The following ADAMTS16 variants were observed in gnomAD, a reference collection of about 807,000 sequenced individuals.
ADAMTS16 encodes A disintegrin and metalloproteinase with thrombospondin motifs 16.
Under a neutral mutation model 145.8 loss-of-function variants are expected in ADAMTS16, and 94 were observed. The ratio of observed to expected loss-of-function variants is 0.64; its 90% CI spans 0.55 to 0.77. ADAMTS16 has a LOEUF of 0.77. Among genes scored for constraint, ADAMTS16 ranks in the 30% least tolerant of loss-of-function variants. The probability of loss-of-function intolerance (pLI) is 0.00; values close to 1 mark genes in which losing one functional copy is unlikely to be tolerated. For missense variants in ADAMTS16, 1,585 were observed against 1,591.5 expected, an observed-to-expected ratio of 1.00 and a Z score of 0.07; for synonymous variants, 659 against 604.3, an observed-to-expected ratio of 1.09 and a Z score of -1.33.
chr5:5,245,687 A>T (rs2126398995), intron 17 of ADAMTS16, among the ~76,000 whole-genome samples: 1 of 152,300 alleles, frequency 6.6e-6, no homozygotes, highest in Non-Finnish European at 1.5e-5. Flanking sequence ...CAGAAACATT[A>T]CTTTGCATCA....
intron 21 of ADAMTS16, among the ~76,000 whole-genome samples, chr5:5,313,734 G>A (rs990740469): frequency 6.6e-6 from 1 of 152,260 alleles, no homozygotes; most frequent in Admixed American, 6.5e-5. Context: ...GACTGCATGA[G>A]ACTGCATTCT....
intron 2 of ADAMTS16, among the ~76,000 whole-genome samples, chr5:5,141,031 T>G (rs270204): frequency 0.47 from 70,696 of 151,958 alleles, 17,092 homozygotes; most frequent in East Asian, 0.75. Context: ...GTTCATTTTA[T>G]TTTATTCTAA....
chr5:5,188,670 C>A (rs914171789), intron 6 of ADAMTS16, among the ~76,000 whole-genome samples: 8 of 152,066 alleles, frequency 5.3e-5, no homozygotes, highest in African/African-American at 1.9e-4. Flanking sequence ...TTAGATGAAA[C>A]CCGAGATCAT....
In ADAMTS16 at chr5:5,235,155, C is replaced by T; in HGVS notation, c.1992C>T (p.His664=). 6.3e-7 allele frequency: 1 copy of T among 1,585,532 alleles called. No homozygotes were observed. The highest frequency in any genetic ancestry group is 8.6e-7 in the Non-Finnish European group (1 of 1,157,422). The change falls in exon 13 of 23, where the codon CAC becomes CAT. Residue 664 remains histidine, a synonymous_variant. Coordinates refer to ENST00000274181, the MANE Select transcript of ADAMTS16 (RefSeq NM_139056.4). ...EHNSRRFRGR[H]YKWKPYTQVE... ...ACAGCAGACGATTCAGAGGGCGGCACTACAAGTGGAAGCCTTACACTCAAG... is the reference window on the plus strand; with the variant it reads ...ACAGCAGACGATTCAGAGGGCGGCATTACAAGTGGAAGCCTTACACTCAAG...
In ADAMTS16 at chr5:5,223,191, A is replaced by G. The variant is rs117323802; in HGVS notation, c.1701+307A>G. 262 of 370,114 alleles carry G rather than the reference A, an allele frequency of 7.1e-4. 2 individuals carry two copies. The East Asian group carries it at 0.013, about 19-fold the overall frequency. 22.9% of individuals were successfully genotyped at this position (370,114 alleles called of 1,614,324 possible). A position where few individuals can be genotyped will look rare whatever the true frequency, so the allele number is the denominator to read the frequency against. On this transcript the variant is annotated intron_variant, in intron 11 of 22. Transcript: ENST00000274181. ...AGCCATTGACCACCATTTATCATGG[A>G]AAGGACCAGCATTAAACAGTGCTGT...
At chr5:5,295,780 C>G (rs937027773) in intron 18 of ADAMTS16, among the ~76,000 whole-genome samples, 13 of 152,204 alleles carry the variant, frequency 8.5e-5, no homozygotes, top group Non-Finnish European at 1.5e-5. Flanking sequence ...TACTCTAGTG[C>G]TCTGCCCTCC....
At chr5:5,140,843 G>T in intron 2 of ADAMTS16, 77 bp downstream of exon 2, 4 of 1,397,250 alleles carry the variant, frequency 2.9e-6, no homozygotes, top group Non-Finnish European at 3.8e-6. Context: ...TTTATTAGGT[G>T]CTGTGAATGT....
intron 11 of ADAMTS16, chr5:5,223,155 G>T: frequency 4.4e-6 from 2 of 451,752 alleles, no homozygotes; most frequent in East Asian, 3.8e-5. Context: ...GTCTATTGAG[G>T]GGAAACATTA....
At chr5:5,248,783 C>T (rs1203180089) in intron 17 of ADAMTS16, among the ~76,000 whole-genome samples, 2 of 152,164 alleles carry the variant, frequency 1.3e-5, no homozygotes, top group Non-Finnish European at 2.9e-5. Flanking sequence ...GCCTCAATAC[C>T]AGTGGACATA....
chr5:5,149,447 C>T (rs2560411), intron 3 of ADAMTS16, among the ~76,000 whole-genome samples: 151,788 of 152,332 alleles, frequency 1, 75,644 homozygotes, highest in Middle Eastern at 1. Flanking sequence ...TAATGACTTA[C>T]TGAATGTTAT....
At chr5:5,177,356 C>T (rs1735226142) in intron 3 of ADAMTS16, among the ~76,000 whole-genome samples, 1 of 152,170 alleles carries the variant, frequency 6.6e-6, no homozygotes, top group Non-Finnish European at 1.5e-5. Flanking sequence ...GCCTGGACTT[C>T]TTTGGGTTTA....
At chr5:5,251,887 C>T (rs1333771394) in intron 17 of ADAMTS16, among the ~76,000 whole-genome samples, 2 of 152,074 alleles carry the variant, frequency 1.3e-5, no homozygotes, top group Admixed American at 6.5e-5. Flanking sequence ...GACAGAGTCT[C>T]ACTCTGTCAC....
At chr5:5,183,335 G>A (rs1004261748) in intron 4 of ADAMTS16, among the ~76,000 whole-genome samples, 13 of 152,228 alleles carry the variant, frequency 8.5e-5, no homozygotes, top group Non-Finnish European at 1.8e-4. Flanking sequence ...TGAAAAGGGC[G>A]TGCATATCGG....
At chr5:5,237,477 T>G (rs1228103653) in intron 14 of ADAMTS16, among the ~76,000 whole-genome samples, 1 of 152,008 alleles carries the variant, frequency 6.6e-6, no homozygotes, top group African/African-American at 2.4e-5. Flanking sequence ...GATTCAGTCA[T>G]CAGAACGCCC....
At chr5:5,294,862 G>C (rs1340393971) in intron 18 of ADAMTS16, among the ~76,000 whole-genome samples, 1 of 152,184 alleles carries the variant, frequency 6.6e-6, no homozygotes, top group Non-Finnish European at 1.5e-5. Context: ...CACTGGGTCT[G>C]AATGCCCATT....
Position 5,173,682 on chromosome 5 carries a change from C to A in ADAMTS16, c.502-8362C>A, listed in dbSNP as rs530865895. Among the ~76,000 whole-genome samples, 517 of 152,112 alleles carry A rather than the reference C, an allele frequency of 3.4e-3. 1 individual carries two copies. The highest frequency in any genetic ancestry group is 6.0e-3 in the Non-Finnish European group (408 of 67,992). ...TAGAGATGGGGTTTCACCATGTTAG[C>A]CAGGATGGTCTCGCTCTCCTGACCT... On this transcript the variant is annotated intron_variant, in intron 3 of 22. Coordinates refer to ENST00000274181, the MANE Select transcript of ADAMTS16 (RefSeq NM_139056.4).
Position 5,146,156 on chromosome 5 carries a change from G to T in ADAMTS16, c.202G>T (p.Val68Phe), listed in dbSNP as rs1389479351. 7 of 1,614,044 alleles carry T rather than the reference G, an allele frequency of 4.3e-6. No homozygotes were observed. Among genetic ancestry groups the T allele is most frequent in the Non-Finnish European group, 5.9e-6 (7 of 1,179,962 alleles). The change falls in exon 3 of 23, where the codon GTT becomes TTT. Residue 68 changes from valine to phenylalanine, a missense_variant. This residue lies in a region of ADAMTS16 where 453 missense variants were observed against 412.1 expected (regional missense o/e 1.10). Coordinates refer to ENST00000274181, the MANE Select transcript of ADAMTS16 (RefSeq NM_139056.4). Reference sequence around the variant, plus strand: ...ATATGACCTGGTCTCTGCCTACGAGGTTGACCACAGGGGCGATTACGTGTC... The same window carrying T: ...ATATGACCTGGTCTCTGCCTACGAGTTTGACCACAGGGGCGATTACGTGTC... ...GEYDLVSAYE[V>F]DHRGDYVSHE...
intron 17 of ADAMTS16, among the ~76,000 whole-genome samples, chr5:5,260,427 T>A (rs1466029352): frequency 6.6e-6 from 1 of 152,236 alleles, no homozygotes; most frequent in African/African-American, 2.4e-5. Context: ...CTATTCCTGA[T>A]CAGAGATCAC....
At chr5:5,224,859 G>A (rs1736714246) in intron 11 of ADAMTS16, among the ~76,000 whole-genome samples, 1 of 152,106 alleles carries the variant, frequency 6.6e-6, no homozygotes. Context: ...TTTCTGTGTG[G>A]TCAGGTGCTA....
Sources: allele counts gnomAD v4.1 joint callset (sites outside exome capture counted in the v4.1 genomes callset), GRCh38; gene constraint gnomAD v4.1.1; regional missense constraint gnomAD v4.1.1; transcripts MANE v1.5; gene names NCBI Gene and HGNC (gene_info 2026-07-23, HGNC 2026-07-21).